TENM4: variants seen among roughly 807,000 people sequenced by gnomAD.
TENM4 encodes the protein teneurin transmembrane protein 4.
Under a neutral mutation model 243.3 loss-of-function variants are expected in TENM4, and 82 were observed. The ratio of observed to expected loss-of-function variants is 0.34; its 90% CI spans 0.28 to 0.40. TENM4 has a LOEUF of 0.40. Ranked by LOEUF, TENM4 falls within the 10% of genes least tolerant of loss-of-function variation. The probability of loss-of-function intolerance (pLI) is 1.00; values close to 1 mark genes in which losing one functional copy is unlikely to be tolerated. For synonymous variants in TENM4, 1,412 were observed against 1,456.3 expected, an observed-to-expected ratio of 0.97 and a Z score of 0.69; for missense variants, 3,138 against 3,673.3, an observed-to-expected ratio of 0.85 and a Z score of 3.77.
In TENM4 at chr11:79,101,780, C is replaced by T. The variant is rs147471919; in HGVS notation, c.-65-31771G>A. ...AGTACTCTGAAAATGACATAAAGTGCCCCCCAAATGTGAGGCATTTATGTT... is the reference window on the plus strand; with the variant it reads ...AGTACTCTGAAAATGACATAAAGTGTCCCCCAAATGTGAGGCATTTATGTT... On this transcript the variant is annotated intron_variant, in intron 4 of 33. Transcript: ENST00000278550. Among the ~76,000 whole-genome samples the T allele has an allele frequency of 9.5e-3, 1,440 of 152,218 alleles. 20 individuals are homozygous for T. The highest frequency in any genetic ancestry group is 0.033 in the African/African-American group (1,357 of 41,524).
intron 1 of TENM4, among the ~76,000 whole-genome samples, chr11:79,299,062 C>CCACACA (rs61589223): frequency 9.6e-4 from 144 of 150,252 alleles, no homozygotes; most frequent in African/African-American, 3.3e-3. Flanking sequence ...GGTGCTGTAT[C>CCACACA]CACACACACA....
intron 6 of TENM4, among the ~76,000 whole-genome samples, chr11:78,908,515 T>A (rs540549627): frequency 1.2e-4 from 18 of 152,218 alleles, no homozygotes; most frequent in Admixed American, 5.9e-4. Context: ...GCAAAAAACC[T>A]TGAGAGAAAA....
intron 6 of TENM4, among the ~76,000 whole-genome samples, chr11:79,001,556 C>T (rs567068304): frequency 2.6e-5 from 4 of 152,276 alleles, no homozygotes; most frequent in Admixed American, 6.5e-5. Context: ...CTCCAGCCTG[C>T]GCAGAGCCCA....
intron 19 of TENM4, among the ~76,000 whole-genome samples, 151 bp from the exon 20 acceptor site, chr11:78,738,721 A>C (rs1855854569): frequency 6.6e-6 from 1 of 152,222 alleles, no homozygotes; most frequent in African/African-American, 2.4e-5. Context: ...AAGATGCATA[A>C]TAATCTTTAA....
At chr11:79,114,553 T>G (rs556663152) in intron 4 of TENM4, among the ~76,000 whole-genome samples, 1 of 152,350 alleles carries the variant, frequency 6.6e-6, no homozygotes, top group Non-Finnish European at 1.5e-5. Flanking sequence ...TGCTAAGATC[T>G]GGTCCCCATC....
intron 1 of TENM4, among the ~76,000 whole-genome samples, chr11:79,433,224 A>T (rs1393665074): frequency 6.6e-6 from 1 of 152,208 alleles, no homozygotes; most frequent in Non-Finnish European, 1.5e-5. Context: ...TGGACAATGG[A>T]CCAGGAGCAT....
At chr11:79,417,761 G>A (rs892282314) in intron 1 of TENM4, among the ~76,000 whole-genome samples, 11 of 152,066 alleles carry the variant, frequency 7.2e-5, no homozygotes, top group African/African-American at 1.9e-4. Flanking sequence ...TCCTGAGGTC[G>A]CCTCATCCCA....
chr11:79,077,503 C>T (rs746030312), intron 4 of TENM4, among the ~76,000 whole-genome samples: 2 of 152,208 alleles, frequency 1.3e-5, no homozygotes, highest in Non-Finnish European at 2.9e-5. Context: ...CACACATCTA[C>T]AATTTTTTTA....
intron 1 of TENM4, among the ~76,000 whole-genome samples, chr11:79,340,442 T>C (rs996580886): frequency 5.3e-5 from 8 of 152,062 alleles, no homozygotes; most frequent in Non-Finnish European, 1.2e-4. Context: ...ACATACACAC[T>C]ACAAGCTGGA....
In TENM4 at chr11:78,702,349, A is replaced by G; in HGVS notation, c.4264T>C (p.Tyr1422His). The G allele has an allele frequency of 5.6e-6, 9 of 1,614,032 alleles. No homozygotes were observed. The highest frequency in any genetic ancestry group is 7.6e-6 in the Non-Finnish European group (9 of 1,179,894). ...AGGACCACATTGTTGTCGAGGACAT[A>G]AAGTGAGTTGTCCATTGGGTTGATG... ...LAINPMDNSLYVLDNNVVLQI... is the reference protein window; with the variant it reads ...LAINPMDNSLHVLDNNVVLQI... Residue 1422 changes from tyrosine to histidine, a missense_variant, in exon 28 of 34, where the codon TAT becomes CAT. Tyr to His is a moderately conservative substitution (Grantham distance 83, BLOSUM62 2). Coordinates refer to ENST00000278550, the MANE Select transcript of TENM4 (RefSeq NM_001098816.3).
chr11:78,787,016 G>A lies in TENM4; in HGVS notation c.2247C>T (p.Gly749=), dbSNP rs1311505178. ...CVGGTCRCED[G]WMGAACDQRA... ...GCTGGTCGCAGGCTGCCCCCATCCA[G>A]CCATCCTCGCAGCGGCAGGTGCCCC... is the stretch of plus-strand genomic sequence containing the variant. The change falls in exon 16 of 34, where the codon GGC becomes GGT. Residue 749 remains glycine (G), a synonymous_variant. Coordinates refer to ENST00000278550, the MANE Select transcript of TENM4 (RefSeq NM_001098816.3). The A allele has an allele frequency of 6.4e-6, 10 of 1,565,170 alleles. No homozygotes were observed. Among genetic ancestry groups the A allele is most frequent in the Non-Finnish European group, 8.7e-6 (10 of 1,154,864 alleles).
intron 1 of TENM4, among the ~76,000 whole-genome samples, chr11:79,379,504 A>G (rs1565322273): frequency 6.6e-6 from 1 of 152,236 alleles, no homozygotes; most frequent in East Asian, 1.9e-4. Context: ...GGGTGGTCCA[A>G]TTTGAGATGG....
chr11:78,788,161 A>G (rs1037418885), intron 15 of TENM4, among the ~76,000 whole-genome samples: 2 of 152,234 alleles, frequency 1.3e-5, no homozygotes, highest in African/African-American at 4.8e-5. Context: ...CTGCATGCTT[A>G]GTTTAGAAGC....
At chr11:78,879,621 C>T (rs1189976827) in intron 9 of TENM4, among the ~76,000 whole-genome samples, 22 of 139,546 alleles carry the variant, frequency 1.6e-4, no homozygotes, top group African/African-American at 4.6e-4. Flanking sequence ...CCGGCCGCCC[C>T]GTCTGGGAGG....
At chr11:78,824,958 T>A (rs1439782573) in intron 12 of TENM4, among the ~76,000 whole-genome samples, 1 of 152,228 alleles carries the variant, frequency 6.6e-6, no homozygotes, top group Non-Finnish European at 1.5e-5. Context: ...TATTTTGGCT[T>A]TGTTAACTGA....
At chr11:78,705,876 G>C (rs1033712795) in intron 27 of TENM4, among the ~76,000 whole-genome samples, 2 of 152,150 alleles carry the variant, frequency 1.3e-5, no homozygotes, top group African/African-American at 2.4e-5. Context: ...ATATTACATA[G>C]GGTAGTTGTA....
intron 4 of TENM4, among the ~76,000 whole-genome samples, chr11:79,103,947 T>C (rs537411683): frequency 6.6e-6 from 1 of 152,306 alleles, no homozygotes; most frequent in South Asian, 2.1e-4. Context: ...ATCATAGAAA[T>C]AATACGTTGT....
At chr11:78,827,633 G>T (rs1176134470) in intron 12 of TENM4, among the ~76,000 whole-genome samples, 1 of 152,100 alleles carries the variant, frequency 6.6e-6, no homozygotes, top group Non-Finnish European at 1.5e-5. Flanking sequence ...GGGAATGCAG[G>T]CATGCACCAC....
At chr11:79,114,898 G>A (rs1446537964) in intron 4 of TENM4, among the ~76,000 whole-genome samples, 1 of 152,164 alleles carries the variant, frequency 6.6e-6, no homozygotes, top group African/African-American at 2.4e-5. Context: ...ATTCAGTCTG[G>A]GGATGCGAAG....
Sources: gnomAD v4.1 joint callset for allele counts (sites outside exome capture counted in the v4.1 genomes callset) on GRCh38, gnomAD v4.1.1 for gene constraint, MANE v1.5 for transcripts, NCBI Gene and HGNC (gene_info 2026-07-23, HGNC 2026-07-21) for gene names.